Variants in LMO7 observed in about 807,000 individuals in gnomAD.
The protein encoded by LMO7 is LIM domain only protein 7.
LMO7 carries 120 observed loss-of-function variants against 206.5 expected under a neutral mutation model. The ratio of observed to expected loss-of-function variants is 0.58; its 90% CI spans 0.50 to 0.68. LMO7 has a LOEUF of 0.68. Among genes scored for constraint, LMO7 ranks in the 30% least tolerant of loss-of-function variants. The pLI is 0.00. For missense variants in LMO7, 1,959 were observed against 1,957.9 expected (o/e 1.00, Z -0.01); for synonymous variants, 706 against 681.5 (o/e 1.04, Z -0.56).
upstream of LMO7, among the ~76,000 whole-genome samples, chr13:75,635,447 C>T (rs986928318): frequency 2.6e-5 from 4 of 152,310 alleles, no homozygotes; most frequent in East Asian, 1.9e-4. Flanking sequence ...CCCCCAACCC[C>T]CCGGCCCTGC....
chr13:75,696,078 C>T (rs574775216), intron 1 of LMO7, among the ~76,000 whole-genome samples: 41 of 152,288 alleles, frequency 2.7e-4, no homozygotes, highest in African/African-American at 8.7e-4. Flanking sequence ...CGAAGCTGGC[C>T]GGGCGCTGTG....
chr13:75,641,078 AAG>A (rs1246726112), intron 1 of LMO7, among the ~76,000 whole-genome samples: 1 of 152,198 alleles, frequency 6.6e-6, no homozygotes, highest in African/African-American at 2.4e-5. Context: ...TGGACCTTCA[AAG>A]AGAGGCAGCC....
At chr13:75,837,965 A>G (rs925553458) in intron 19 of LMO7, among the ~76,000 whole-genome samples, 175 bp from the exon 20 acceptor site, 6 of 152,198 alleles carry the variant, frequency 3.9e-5, no homozygotes, top group Admixed American at 3.9e-4. Flanking sequence ...AATGTAGGCT[A>G]CTAAAATTGT....
chr13:75,737,718 A>T (rs1328073895), intron 3 of LMO7, among the ~76,000 whole-genome samples: 10 of 122,020 alleles, frequency 8.2e-5, no homozygotes, highest in South Asian at 2.9e-4. Context: ...GCGCCACTGC[A>T]CTCCAGCCTG....
At chr13:75,642,241 TGCACTGAAA>T (rs1190452484) in intron 1 of LMO7, among the ~76,000 whole-genome samples, 1 of 152,108 alleles carries the variant, frequency 6.6e-6, no homozygotes, top group Non-Finnish European at 1.5e-5. Context: ...AACGTACTGA[TGCACTGAAA>T]GCTAGAAATG....
chr13:75,847,909 G>A (rs1017812071), intron 26 of LMO7, among the ~76,000 whole-genome samples: 21 of 152,222 alleles, frequency 1.4e-4, no homozygotes, highest in South Asian at 8.3e-4. Context: ...GTTAGCACAC[G>A]TGCACAATGC....
At chr13:75,683,904 T>C (rs527575346) in intron 1 of LMO7, among the ~76,000 whole-genome samples, 69 of 152,258 alleles carry the variant, frequency 4.5e-4, no homozygotes, top group Admixed American at 2.4e-3. Flanking sequence ...TGATAAGGGA[T>C]TGGGGAGACC....
Position 75,834,131 on chromosome 13 carries a change from G to T in LMO7, c.3065-95G>T, listed in dbSNP as rs552387844. On this transcript the variant is annotated intron_variant, in intron 16 of 30. Transcript: ENST00000377534. ...CTGAAAAAGAGAGAAATGGTTAATT[G>T]AAATTCAGAGTCATTTTTCTTAAGT... 2.6e-5 allele frequency: 23 copies of T among 882,170 alleles called. No homozygotes were observed. The South Asian group carries it at 4.8e-4, about 18-fold the overall frequency. 54.6% of individuals were successfully genotyped at this position (882,170 alleles called of 1,614,324 possible). A position where few individuals can be genotyped will look rare whatever the true frequency, so the allele number is the denominator to read the frequency against.
At chr13:75,736,334 C>T (rs185319039) in intron 3 of LMO7, among the ~76,000 whole-genome samples, 1 of 152,356 alleles carries the variant, frequency 6.6e-6, no homozygotes, top group East Asian at 1.9e-4. Flanking sequence ...CATCATGCCT[C>T]ACTTGACTCC....
intron 3 of LMO7, among the ~76,000 whole-genome samples, chr13:75,747,609 G>C (rs1308772986): frequency 6.6e-6 from 1 of 152,164 alleles, no homozygotes; most frequent in Admixed American, 6.5e-5. Flanking sequence ...CACACCTGGA[G>C]TCCAGTATTT....
At chr13:75,732,054 A>G (rs1227433101) in intron 3 of LMO7, among the ~76,000 whole-genome samples, 3 of 151,980 alleles carry the variant, frequency 2.0e-5, no homozygotes, top group Non-Finnish European at 2.9e-5. Flanking sequence ...GGCTGCCCTT[A>G]ACATTTTTTC....
intron 3 of LMO7, among the ~76,000 whole-genome samples, chr13:75,753,645 T>A (rs2047450776): frequency 6.6e-6 from 1 of 152,174 alleles, no homozygotes; most frequent in Non-Finnish European, 1.5e-5. Flanking sequence ...TCTCACAAGA[T>A]CTGATGGTTT....
rs552236505 is a variant in LMO7, at chr13:75,670,966, C to CTTTTTTTTT, written c.69+34249_69+34257dup. Among the ~76,000 whole-genome samples the CTTTTTTTTT allele has an allele frequency of 4.4e-3, 436 of 99,964 alleles. 12 individuals carry two copies. Among genetic ancestry groups the CTTTTTTTTT allele is most frequent in the Middle Eastern group, 7.1e-3 (1 of 140 alleles). The allele number at this position is 99,964 out of a possible 152,430, so 65.6% of individuals were successfully genotyped here. A position where few individuals can be genotyped will look rare whatever the true frequency, so the allele number is the denominator to read the frequency against. ...TACCTTTTTTTTTTAATGTTTAAAA[C>CTTTTTTTTT]TTTTTTTTTTTTTTTTTACTATTTA... On this transcript the variant is annotated intron_variant, in intron 1 of 30. Coordinates refer to ENST00000377534, the MANE Select transcript of LMO7 (RefSeq NM_001306080.2).
chr13:75,736,894 A>G (rs1445653442), intron 3 of LMO7, among the ~76,000 whole-genome samples: 1 of 152,240 alleles, frequency 6.6e-6, no homozygotes, highest in African/African-American at 2.4e-5. Context: ...TGATACATAT[A>G]GGAGATCAAA....
At chr13:75,666,426 T>C (rs750812042) in intron 1 of LMO7, among the ~76,000 whole-genome samples, 2 of 152,266 alleles carry the variant, frequency 1.3e-5, no homozygotes, top group Non-Finnish European at 1.5e-5. Context: ...CTAGAAATAG[T>C]AGAAATCTTC....
At chr13:75,777,032 A>C (rs1206850885) in intron 4 of LMO7, among the ~76,000 whole-genome samples, 1 of 152,250 alleles carries the variant, frequency 6.6e-6, no homozygotes. Flanking sequence ...TGGCGTTTGC[A>C]ATGTCAGCCA....
chr13:75,650,336 G>A (rs2037433326), intron 1 of LMO7, among the ~76,000 whole-genome samples: 1 of 151,340 alleles, frequency 6.6e-6, no homozygotes, highest in South Asian at 2.1e-4. Context: ...CACCATGTTG[G>A]CCAGGATGGT....
At chr13:75,717,652 G>A (rs2043666370) in intron 2 of LMO7, among the ~76,000 whole-genome samples, 1 of 152,018 alleles carries the variant, frequency 6.6e-6, no homozygotes, top group African/African-American at 2.4e-5. Flanking sequence ...TTTAAGGCAC[G>A]GGGTAAGATA....
chr13:75,732,544 T>G (rs1594605673), intron 3 of LMO7, among the ~76,000 whole-genome samples: 1 of 152,178 alleles, frequency 6.6e-6, no homozygotes, highest in South Asian at 2.1e-4. Context: ...TTTTCAAAGT[T>G]TTCAACTTCT....
Sources: allele counts gnomAD v4.1 joint callset (sites outside exome capture counted in the v4.1 genomes callset), GRCh38; gene constraint gnomAD v4.1.1; transcripts MANE v1.5; gene names NCBI Gene and HGNC (gene_info 2026-07-23, HGNC 2026-07-21).